WWOX: variants seen among roughly 807,000 people sequenced by gnomAD.
WWOX encodes the protein WW domain containing oxidoreductase.
Under a neutral mutation model 46.2 loss-of-function variants are expected in WWOX, and 69 were observed. The ratio of observed to expected loss-of-function variants is 1.49; its 90% confidence interval spans 1.23 to 1.82. The LOEUF is 1.82. Among genes scored for constraint, WWOX ranks in the 40% most tolerant of loss-of-function variants. The pLI is 0.00. For synonymous variants in WWOX, 359 were observed against 202.6 expected (o/e 1.77, Z -6.56); for missense variants, 919 against 542.6 (o/e 1.69, Z -6.89).
chr16:78,208,148 C>G (rs1321350523), intron 5 of WWOX, among the ~76,000 whole-genome samples: 1 of 152,180 alleles, frequency 6.6e-6, no homozygotes, highest in Non-Finnish European at 1.5e-5. Context: ...GATCATATGC[C>G]AATGTTTTAT....
intron 8 of WWOX, among the ~76,000 whole-genome samples, chr16:78,444,188 G>C (rs894389881): frequency 4.6e-5 from 7 of 152,070 alleles, no homozygotes; most frequent in Non-Finnish European, 7.4e-5. Context: ...TCCGTGCCGG[G>C]CTCTGTGGTC....
chr16:78,413,441 A>G (rs541628171), intron 6 of WWOX, among the ~76,000 whole-genome samples: 3 of 152,260 alleles, frequency 2.0e-5, no homozygotes, highest in South Asian at 2.1e-4. Context: ...GTTAGGAGCA[A>G]TGTTTTTGGG....
intron 8 of WWOX, among the ~76,000 whole-genome samples, chr16:78,667,944 G>T (rs2047371393): frequency 6.6e-6 from 1 of 152,010 alleles, no homozygotes; most frequent in Non-Finnish European, 1.5e-5. Context: ...ACTCTGTGCT[G>T]CTCTCAGCCA....
chr16:78,902,439 C>T (rs1489269268), intron 8 of WWOX, among the ~76,000 whole-genome samples: 10 of 152,190 alleles, frequency 6.6e-5, no homozygotes, highest in Middle Eastern at 6.3e-3. Flanking sequence ...GCGGGGCGGG[C>T]GGGAGAGGCA....
chr16:78,494,308 C>T (rs1231124770), intron 8 of WWOX, among the ~76,000 whole-genome samples: 1 of 152,092 alleles, frequency 6.6e-6, no homozygotes, highest in Non-Finnish European at 1.5e-5. Context: ...TTGTGAGGTC[C>T]CTTCTCCAAC....
chr16:78,783,178 A>C (rs2050372472), intron 8 of WWOX, among the ~76,000 whole-genome samples: 1 of 152,256 alleles, frequency 6.6e-6, no homozygotes, highest in Non-Finnish European at 1.5e-5. Flanking sequence ...CATCATTTAT[A>C]ATGGCTGCCT....
rs1455454918 is a variant in WWOX, at chr16:78,548,180, T to TCAACAA, written c.1056+115428_1056+115429insCAACAA. 1.2e-4 allele frequency among the ~76,000 whole-genome samples: 2 copies of TCAACAA among 17,216 alleles called. 1 individual carries two copies. The highest frequency in any genetic ancestry group is 7.8e-3 in the East Asian group (2 of 256). 11.3% of individuals were successfully genotyped at this position (17,216 alleles called of 152,430 possible). Reference sequence around the variant, plus strand: ...AAAAAAAAAAAAAAAAAAAAAAAATTACGAATTTTGCGAGGACGCAAACAT... The same window carrying TCAACAA: ...AAAAAAAAAAAAAAAAAAAAAAAATTCAACAAACGAATTTTGCGAGGACGCAAACAT... On this transcript the variant is annotated intron_variant, in intron 8 of 8. Coordinates refer to ENST00000566780, the MANE Select transcript of WWOX (RefSeq NM_016373.4).
At chr16:79,190,373 A>G (rs1010616149) in intron 8 of WWOX, among the ~76,000 whole-genome samples, 1 of 152,098 alleles carries the variant, frequency 6.6e-6, no homozygotes, top group South Asian at 2.1e-4. Context: ...GCGTGTAGCT[A>G]TTAGGCGTAG....
rs968880464 is a variant in WWOX at position 78,342,258 on chromosome 16, C to T, written c.517-44602C>T. ...AGCTGCTACGACAAACAACTTGCAA[C>T]GTCTCATTATCTTCATACAACAAAC... On this transcript the variant is annotated intron_variant, in intron 5 of 8. Transcript: ENST00000566780. 3.3e-5 allele frequency among the ~76,000 whole-genome samples: 4 copies of T among 121,278 alleles called. 2 individuals carry two copies. Among genetic ancestry groups the T allele is most frequent in the Non-Finnish European group, 7.9e-5 (4 of 50,696 alleles). 79.6% of individuals were successfully genotyped at this position (121,278 alleles called of 152,430 possible).
At chr16:78,648,291 A>G (rs1030679221) in intron 8 of WWOX, among the ~76,000 whole-genome samples, 1 of 152,144 alleles carries the variant, frequency 6.6e-6, no homozygotes, top group Non-Finnish European at 1.5e-5. Flanking sequence ...AGGCCCTCTG[A>G]GAATGCGAGG....
rs545290004 is a variant in WWOX, at chr16:78,766,320, G to C, written c.1056+333568G>C. ...TTATTAAAATGTGCAGAGGAGACCG[G>C]GCATGGTAGCACACTTGTAATCTCA... On this transcript the variant is annotated intron_variant, in intron 8 of 8. Coordinates refer to ENST00000566780, the MANE Select transcript of WWOX (RefSeq NM_016373.4). Among the ~76,000 whole-genome samples, 103 of 152,282 alleles carry C rather than the reference G, an allele frequency of 6.8e-4. 1 individual carries two copies. Among genetic ancestry groups the C allele is most frequent in the Admixed American group, 1.6e-3 (24 of 15,300 alleles).
intron 6 of WWOX, among the ~76,000 whole-genome samples, chr16:78,419,333 A>C (rs2151955243): frequency 6.6e-6 from 1 of 152,206 alleles, no homozygotes; most frequent in East Asian, 1.9e-4. Context: ...AATAACCAAA[A>C]CAAGCTTGAA....
rs116336206 is a variant in WWOX at position 79,128,148 on chromosome 16, G to A, written c.1057-83460G>A. On this transcript the variant is annotated intron_variant, in intron 8 of 8. Transcript: ENST00000566780. ...CAGGAGAGAAGAAGAGATTTAAGAA[G>A]AAGACAATGGCTGTGGTTTGATGAA... Among the ~76,000 whole-genome samples the A allele has an allele frequency of 4.0e-3, 616 of 152,218 alleles. 6 individuals are homozygous for A. The highest frequency in any genetic ancestry group is 0.014 in the African/African-American group (585 of 41,518).
chr16:78,256,280 A>T (rs774082254), intron 5 of WWOX, among the ~76,000 whole-genome samples: 18 of 151,886 alleles, frequency 1.2e-4, no homozygotes, highest in Non-Finnish European at 2.5e-4. Flanking sequence ...GTCTCTCCTA[A>T]ATGAGGAGAA....
intron 8 of WWOX, among the ~76,000 whole-genome samples, chr16:78,903,597 G>C (rs2044883515): frequency 6.6e-6 from 1 of 152,180 alleles, no homozygotes; most frequent in East Asian, 1.9e-4. Context: ...GGAAAGTTAA[G>C]GGTTTCCTTT....
chr16:78,789,138 A>T (rs557390502), intron 8 of WWOX, among the ~76,000 whole-genome samples: 172 of 151,996 alleles, frequency 1.1e-3, no homozygotes, highest in Admixed American at 2.4e-3. Context: ...CTGTGGTGTC[A>T]CCCCTCCTCT....
intron 8 of WWOX, among the ~76,000 whole-genome samples, chr16:79,207,846 G>A (rs2051571287): frequency 6.6e-6 from 1 of 151,902 alleles, no homozygotes; most frequent in Non-Finnish European, 1.5e-5. Context: ...TTCCTTTAAA[G>A]GAGTCAATAT....
At chr16:78,333,231 G>T in intron 5 of WWOX, among the ~76,000 whole-genome samples, 1 of 151,222 alleles carries the variant, frequency 6.6e-6, no homozygotes. Flanking sequence ...TTCATTTTTG[G>T]TAGAGACGGC....
chr16:78,284,381 C>A (rs1272597704), intron 5 of WWOX, among the ~76,000 whole-genome samples: 2 of 152,214 alleles, frequency 1.3e-5, no homozygotes, highest in Non-Finnish European at 2.9e-5. Flanking sequence ...TTCTGAACCT[C>A]TTGCCCACCT....
Sources: allele counts gnomAD v4.1 joint callset (sites outside exome capture counted in the v4.1 genomes callset), GRCh38; gene constraint gnomAD v4.1.1; transcripts MANE v1.5; gene names NCBI Gene and HGNC (gene_info 2026-07-23, HGNC 2026-07-21).